The following CSMD1 variants were observed in gnomAD, a reference collection of about 807,000 sequenced individuals.
CSMD1 encodes the protein CUB and sushi domain-containing protein 1.
A neutral mutation model predicts 417.5 loss-of-function variants in CSMD1; 213 were observed. The ratio of observed to expected loss-of-function variants is 0.51; its 90% CI spans 0.46 to 0.57. The LOEUF (loss-of-function observed/expected upper bound fraction) is 0.57, where lower values mean the gene tolerates loss of function less well. Among genes scored for constraint, CSMD1 ranks in the 20% least tolerant of loss-of-function variants. The probability of loss-of-function intolerance (pLI) is 0.00; values close to 1 mark genes in which losing one functional copy is unlikely to be tolerated. For missense variants in CSMD1, 6,923 were observed against 4,529.7 expected (o/e 1.53, Z -15.17); for synonymous variants, 2,862 against 1,736.8 (o/e 1.65, Z -16.11).
intron 3 of CSMD1, among the ~76,000 whole-genome samples, chr8:4,212,776 T>A (rs962161374): frequency 4.7e-5 from 5 of 105,910 alleles, no homozygotes; most frequent in South Asian, 3.1e-4. Flanking sequence ...TTTTTTTTTT[T>A]ACAAGCTATT....
chr8:3,664,625 T>G (rs1185606289), intron 7 of CSMD1, among the ~76,000 whole-genome samples: 1 of 152,218 alleles, frequency 6.6e-6, no homozygotes, highest in African/African-American at 2.4e-5. Context: ...TCCCCACCAT[T>G]TCAAAGGCTC....
intron 5 of CSMD1, among the ~76,000 whole-genome samples, chr8:3,775,983 T>G (rs984550470): frequency 6.6e-6 from 1 of 152,212 alleles, no homozygotes; most frequent in Non-Finnish European, 1.5e-5. Context: ...CCAGGCTTCC[T>G]CCTCAGAGCT....
chr8:3,642,585 C>CA (rs1421822334), intron 7 of CSMD1, among the ~76,000 whole-genome samples: 1 of 152,104 alleles, frequency 6.6e-6, no homozygotes, highest in Admixed American at 6.5e-5. Context: ...GGATGAAAAG[C>CA]AATTCACAAA....
chr8:4,823,047 T>C (rs1214213211), intron 1 of CSMD1, among the ~76,000 whole-genome samples: 2 of 152,088 alleles, frequency 1.3e-5, no homozygotes, highest in South Asian at 2.1e-4. Flanking sequence ...GTCTGTGAAA[T>C]GCATTTTTGC....
At chr8:4,864,808 G>A (rs1380298782) in intron 1 of CSMD1, among the ~76,000 whole-genome samples, 1 of 150,654 alleles carries the variant, frequency 6.6e-6, no homozygotes, top group Admixed American at 6.6e-5. Context: ...TGTATTCTCT[G>A]TAATCTTTTC....
rs80341116 is a variant in CSMD1, at chr8:4,741,846, G to C, written c.86-104288C>G. Among the ~76,000 whole-genome samples the C allele has an allele frequency of 7.9e-5, 12 of 151,722 alleles. No homozygotes were observed. The East Asian group carries it at 2.1e-3, about 27-fold the overall frequency. On this transcript the variant is annotated intron_variant, in intron 1 of 69. Transcript: ENST00000635120. ...TTTAAGGAGTTTGGGTGTTATCCTT[G>C]TTTTTGAGACAGGATCTCACTCTGT...
At chr8:3,738,457 G>A (rs1015651263) in intron 6 of CSMD1, among the ~76,000 whole-genome samples, 4 of 152,164 alleles carry the variant, frequency 2.6e-5, no homozygotes, top group African/African-American at 9.7e-5. Context: ...ATGACTTGAA[G>A]CTCATATGTG....
intron 3 of CSMD1, among the ~76,000 whole-genome samples, chr8:4,166,315 T>C (rs1355761921): frequency 6.6e-6 from 1 of 152,222 alleles, no homozygotes; most frequent in Non-Finnish European, 1.5e-5. Flanking sequence ...TTATCTTTTT[T>C]GTAACAGGTC....
intron 5 of CSMD1, among the ~76,000 whole-genome samples, chr8:3,889,444 G>A (rs1420297002): frequency 3.3e-5 from 3 of 90,906 alleles, no homozygotes; most frequent in African/African-American, 9.0e-5. Context: ...ATATGCTTCT[G>A]ATCTTTCCAT....
chr8:4,809,504 G>C (rs1798777568), intron 1 of CSMD1, among the ~76,000 whole-genome samples: 1 of 152,112 alleles, frequency 6.6e-6, no homozygotes, highest in Non-Finnish European at 1.5e-5. Flanking sequence ...ACATGAATAA[G>C]AATCTCAGAC....
At chr8:3,168,870 T>A (rs548312765) in intron 37 of CSMD1, among the ~76,000 whole-genome samples, 1 of 152,292 alleles carries the variant, frequency 6.6e-6, no homozygotes, top group Admixed American at 6.5e-5. Context: ...AAGGAGTGCA[T>A]GTCTGGTGAC....
chr8:4,241,736 C>T (rs1444805981), intron 3 of CSMD1, among the ~76,000 whole-genome samples: 3 of 147,206 alleles, frequency 2.0e-5, no homozygotes, highest in African/African-American at 7.6e-5. Context: ...CGGAGTCTCG[C>T]TCTGTCGCCC....
At chr8:2,990,472 C>G (rs1806282310) in intron 54 of CSMD1, among the ~76,000 whole-genome samples, 1 of 152,162 alleles carries the variant, frequency 6.6e-6, no homozygotes, top group African/African-American at 2.4e-5. Flanking sequence ...TTTTCCATAG[C>G]CCCTGACTTT....
rs556110610 is a variant in CSMD1 at position 4,733,944 on chromosome 8, A to G, written c.86-96386T>C. Among the ~76,000 whole-genome samples the G allele has an allele frequency of 1.4e-3, 213 of 152,338 alleles. 7 individuals carry two copies. In the South Asian group the frequency reaches 0.041, roughly 29 times the overall value. ...GATAGCATTTATGGTAATTAGCAAG[A>G]GGCTGTATGAAGTTAGAATTATGCC... On this transcript the variant is annotated intron_variant, in intron 1 of 69. Transcript: ENST00000635120.
At position 3,396,223 on chromosome 8, in the gene CSMD1, G is replaced by A. The variant is rs780680239; in HGVS notation, c.2564C>T (p.Ser855Phe). The change falls in exon 17 of 70, where the codon TCC (serine) becomes TTC (phenylalanine). Residue 855 changes from serine to phenylalanine, a missense_variant. By Grantham distance (155) the Ser-to-Phe change is radical. Transcript: ENST00000635120. Reference protein sequence around the residue: ...YLLFTTDNSRSSIGFLIHYES... With the variant: ...YLLFTTDNSRFSIGFLIHYES... ...ATAGTGGATGAGGAAGCCGATGCTG[G>A]AGCGGCTGTTGTCAGTGGTGAACAG... 6.4e-7 allele frequency: 1 copy of A among 1,568,218 alleles called. No individual in the cohort carries two copies. The highest frequency in any genetic ancestry group is 8.6e-7 in the Non-Finnish European group (1 of 1,156,570).
chr8:4,874,083 G>A (rs1185635881), intron 1 of CSMD1, among the ~76,000 whole-genome samples: 10 of 152,072 alleles, frequency 6.6e-5, no homozygotes, highest in Non-Finnish European at 1.2e-4. Context: ...ACATAGGCAA[G>A]CACCGCATCA....
At chr8:4,882,768 C>A (rs1803493531) in intron 1 of CSMD1, among the ~76,000 whole-genome samples, 1 of 151,570 alleles carries the variant, frequency 6.6e-6, no homozygotes, top group Non-Finnish European at 1.5e-5. Flanking sequence ...TTAAAAAAAA[C>A]AGAATGCCTT....
chr8:3,557,093 G>A lies in CSMD1; in HGVS notation c.1344+17852C>T, dbSNP rs1056142420. On this transcript the variant is annotated intron_variant, in intron 10 of 69. Transcript: ENST00000635120. ...AAGTGCAATGGAACACAATACAGGC[G>A]GCCAAATCCATTCCAAATATTACCC... Among the ~76,000 whole-genome samples, 7 of 152,208 alleles carry A rather than the reference G, an allele frequency of 4.6e-5. 1 individual carries two copies. Among genetic ancestry groups the A allele is most frequent in the Middle Eastern group, 6.8e-3 (2 of 294 alleles).
intron 25 of CSMD1, among the ~76,000 whole-genome samples, chr8:3,306,600 C>T (rs1444473484): frequency 6.6e-6 from 1 of 152,012 alleles, no homozygotes; most frequent in African/African-American, 2.4e-5. Context: ...CAGATTAAGG[C>T]TATTGGAGGT....
Sources: allele counts gnomAD v4.1 joint callset (sites outside exome capture counted in the v4.1 genomes callset), GRCh38; gene constraint gnomAD v4.1.1; transcripts MANE v1.5; gene names NCBI Gene and HGNC (gene_info 2026-07-23, HGNC 2026-07-21).